The following GANAB variants were observed in gnomAD, a reference collection of about 807,000 sequenced individuals.
GANAB encodes the protein glucosidase II alpha subunit.
A neutral mutation model predicts 129.9 loss-of-function variants in GANAB; 35 were observed. That is an observed-to-expected ratio of 0.27 (90% CI 0.21 to 0.36). The LOEUF (loss-of-function observed/expected upper bound fraction) is 0.36, where lower values mean the gene tolerates loss of function less well. Among genes scored for constraint, GANAB ranks in the 10% least tolerant of loss-of-function variants. The pLI is 1.00. For missense variants in GANAB, 939 were observed against 1,221.0 expected, an observed-to-expected ratio of 0.77 and a Z score of 3.44; for synonymous variants, 482 against 451.8, an observed-to-expected ratio of 1.07 and a Z score of -0.85.
chr11:62,625,636 C>T lies in GANAB; in HGVS notation c.*179G>A. 1.6e-6 allele frequency: 1 copy of T among 606,568 alleles called. No homozygotes were observed. 37.6% of individuals were successfully genotyped at this position (606,568 alleles called of 1,614,324 possible). A position where few individuals can be genotyped will look rare whatever the true frequency, so the allele number is the denominator to read the frequency against. On this transcript the variant is annotated 3_prime_UTR_variant, in exon 24 of 24. Transcript: ENST00000356638. ...AATGGAGTGGGAGAGGTGAGGAGAT[C>T]ACAAGAGGAATTTGGAGCCCAGGGT...
intron 2 of GANAB, 70 bp from the exon 3 acceptor site, chr11:62,639,537 C>T: frequency 7.0e-7 from 1 of 1,432,110 alleles, no homozygotes. Context: ...CTATCACCTG[C>T]AGTGTCCTTA....
rs1441044477 is a variant in GANAB at position 62,639,452 on chromosome 11, T to C, written c.159A>G (p.Ile53Met). 9.3e-6 allele frequency: 15 copies of C among 1,613,010 alleles called. No homozygotes were observed. Among genetic ancestry groups the C allele is most frequent in the African/African-American group, 4.0e-5 (3 of 74,842 alleles). The change falls in exon 3 of 24, where the codon ATA (isoleucine) becomes ATG (methionine). Residue 53 changes from isoleucine to methionine, a missense_variant. Ile to Met is a conservative substitution (Grantham distance 10, BLOSUM62 1). Around this residue, in one of 5 missense-constraint regions of GANAB, gnomAD observed 321 missense variants for 329.1 expected, o/e 0.98. Transcript: ENST00000356638. ...CTCGGTATGGAGAGAGGCCTGGCCG[T>C]ATGCTTCTCTGTCGCCTGCCAAGTG... ...ESSFCKRQRS[I>M]RPGLSPYRAL...
chr11:62,637,282 T>A (rs1413945593), intron 4 of GANAB, among the ~76,000 whole-genome samples: 1 of 152,206 alleles, frequency 6.6e-6, no homozygotes, highest in Non-Finnish European at 1.5e-5. Flanking sequence ...ACCATAGTCA[T>A]ATTAATAATA....
intron 3 of GANAB, 73 bp downstream of exon 3, chr11:62,639,286 C>G (rs1221059611): frequency 1.6e-6 from 2 of 1,266,910 alleles, no homozygotes; most frequent in African/African-American, 2.9e-5. Flanking sequence ...ATGTTGGCCA[C>G]AATTTCCCCC....
In GANAB at chr11:62,627,697, G is replaced by A. The variant is rs28600963; in HGVS notation, c.2181-344C>T. 3.3e-5 allele frequency among the ~76,000 whole-genome samples: 5 copies of A among 151,934 alleles called. No individual in the cohort carries two copies. In the East Asian group the frequency reaches 7.7e-4, roughly 24 times the overall value. On this transcript the variant is annotated intron_variant, in intron 17 of 23. Transcript: ENST00000356638. Reference sequence around the variant, plus strand: ...TTCAGTGAGCCAAGATCACACCATCGCACTCCAGCCTGGGGGACGAGAGTG... The same window carrying A: ...TTCAGTGAGCCAAGATCACACCATCACACTCCAGCCTGGGGGACGAGAGTG...
chr11:62,641,897 G>A (rs1181429548), intron 1 of GANAB, among the ~76,000 whole-genome samples: 2 of 151,468 alleles, frequency 1.3e-5, no homozygotes, highest in Non-Finnish European at 2.9e-5. Flanking sequence ...AAAAAGTTGT[G>A]GTTTTTGTTT....
At chr11:62,634,554 A>G in intron 5 of GANAB, 1 of 624,184 alleles carries the variant, frequency 1.6e-6, no homozygotes, top group Non-Finnish European at 2.8e-6. Context: ...TGATGTGAGA[A>G]GGGGAAGAAG....
chr11:62,636,652 T>C (rs1459418275), intron 4 of GANAB, among the ~76,000 whole-genome samples: 1 of 152,070 alleles, frequency 6.6e-6, no homozygotes, highest in Non-Finnish European at 1.5e-5. Context: ...CTGTCTCTAC[T>C]AAAAATACAA....
chr11:62,626,957 G>C (rs373254816), intron 19 of GANAB, 23 bp from the exon 20 acceptor site: 192 of 1,596,844 alleles, frequency 1.2e-4, no homozygotes, highest in Non-Finnish European at 1.5e-4. Flanking sequence ...AAAGAGGTAA[G>C]ATACCGGATC....
At chr11:62,641,994 A>C (rs970326447) in intron 1 of GANAB, among the ~76,000 whole-genome samples, 4 of 151,644 alleles carry the variant, frequency 2.6e-5, no homozygotes, top group African/African-American at 9.7e-5. Context: ...CAGGAGTTCG[A>C]GACCAGGCTG....
rs939070899 is a variant in GANAB, at chr11:62,629,844, C to T, written c.1707G>A (p.Arg569=). ...DAQHYGGWEH[R]DVHNIYGLYV... ...AAAGGCCATAGATGTTATGCACATCCCGGTGCTCCCAGCCCCCATAATGCT... is the reference window on the plus strand; with the variant it reads ...AAAGGCCATAGATGTTATGCACATCTCGGTGCTCCCAGCCCCCATAATGCT... Residue 569 remains arginine (R), a synonymous_variant, in exon 14 of 24, where the codon CGG becomes CGA. Transcript: ENST00000356638. 3.7e-6 allele frequency: 6 copies of T among 1,614,040 alleles called. No individual in the cohort carries two copies. Among genetic ancestry groups the T allele is most frequent in the African/African-American group, 2.7e-5 (2 of 74,918 alleles).
chr11:62,626,193 C>G, intron 22 of GANAB, 28 bp from the exon 23 acceptor site: 1 of 1,514,066 alleles, frequency 6.6e-7, no homozygotes. Flanking sequence ...AGATGTCCAT[C>G]AGGGGGAAAA....
At chr11:62,641,382 T>C (rs1944253234) in intron 1 of GANAB, among the ~76,000 whole-genome samples, 1 of 148,972 alleles carries the variant, frequency 6.7e-6, no homozygotes, top group Non-Finnish European at 1.5e-5. Flanking sequence ...GCTAGCCTGC[T>C]GGTTACAGTT....
At position 62,633,065 on chromosome 11, in the gene GANAB, C is replaced by T; in HGVS notation, c.755G>A (p.Gly252Asp). 1 of 1,612,236 alleles carries T rather than the reference C, an allele frequency of 6.2e-7. No homozygotes were observed. Among genetic ancestry groups the T allele is most frequent in the Non-Finnish European group, 8.5e-7 (1 of 1,178,330 alleles). The part of the protein sequence containing the change: ...MSVGLDFSLP[G>D]MEHVYGIPEH... ...AGGGATCCCATAGACATGCTCCATG[C>T]CTGGCAGAGAGAAGTCCAAACCCAC... The change falls in exon 8 of 24, where the codon GGC (glycine) becomes GAC (aspartate). Residue 252 changes from glycine to aspartate, a missense_variant. By Grantham distance (94) the Gly-to-Asp change is moderately conservative. This residue lies in a region of GANAB where 321 missense variants were observed against 329.1 expected (regional missense o/e 0.98). Transcript: ENST00000356638.
chr11:62,633,926 T>C, intron 5 of GANAB: 1 of 370,972 alleles, frequency 2.7e-6, no homozygotes, highest in East Asian at 5.3e-5. Flanking sequence ...ATGTGGGTCA[T>C]ACTATACCAA....
At chr11:62,641,892 G>C (rs1187930289) in intron 1 of GANAB, among the ~76,000 whole-genome samples, 1 of 151,432 alleles carries the variant, frequency 6.6e-6, no homozygotes, top group African/African-American at 2.4e-5. Flanking sequence ...TTTTTAAAAA[G>C]TTGTGGTTTT....
Position 62,630,699 on chromosome 11 carries a change from T to C in GANAB, c.1288A>G (p.Ile430Val). 1 of 1,614,152 alleles carries C rather than the reference T, an allele frequency of 6.2e-7. No individual in the cohort carries two copies. Among genetic ancestry groups the C allele is most frequent in the Non-Finnish European group, 8.5e-7 (1 of 1,180,014 alleles). ...TACCGCTTGCCATCAGCATGTTCAATGTCTAGCCAGATGACATCACAGGGC... is the reference window on the plus strand; with the variant it reads ...TACCGCTTGCCATCAGCATGTTCAACGTCTAGCCAGATGACATCACAGGGC... ...NLPCDVIWLD[I>V]EHADGKRYFT... is the part of the protein sequence containing the mutation. The change falls in exon 11 of 24, where the codon ATT becomes GTT. Residue 430 changes from isoleucine (I) to valine (V), a missense_variant. By Grantham distance (29) the Ile-to-Val change is conservative. This residue lies in a region of GANAB where 220 missense variants were observed against 295.9 expected (regional missense o/e 0.74). Transcript: ENST00000356638.
chr11:62,632,221 A>G (rs1943722991), intron 9 of GANAB, among the ~76,000 whole-genome samples: 1 of 150,130 alleles, frequency 6.7e-6, no homozygotes, highest in Non-Finnish European at 1.5e-5. Flanking sequence ...TGATCCGCCC[A>G]CCTCAGCCTC....
Position 62,628,873 on chromosome 11 carries a change from C to A in GANAB, c.2076G>T (p.Gln692His). Residue 692 changes from glutamine (Q) to histidine (H), a missense_variant, in exon 17 of 24, where the codon CAG becomes CAT. Gln to His is a conservative substitution (Grantham distance 24). Transcript: ENST00000356638. Reference sequence around the variant, plus strand: ...AGGCATCTCGGATTATATCATTGTGCTGAGATGGTAACAGCCATGGCTCTC... The same window carrying A: ...AGGCATCTCGGATTATATCATTGTGATGAGATGGTAACAGCCATGGCTCTC... The part of the protein sequence containing the change: ...GRREPWLLPS[Q>H]HNDIIRDALG... 6.2e-7 allele frequency: 1 copy of A among 1,614,140 alleles called. No homozygotes were observed. Among genetic ancestry groups the A allele is most frequent in the East Asian group, 2.2e-5 (1 of 44,874 alleles).
Sources: gnomAD v4.1 joint callset for allele counts (sites outside exome capture counted in the v4.1 genomes callset) on GRCh38, gnomAD v4.1.1 for gene constraint, gnomAD v4.1.1 regional missense constraint, MANE v1.5 for transcripts, NCBI Gene and HGNC (gene_info 2026-07-23, HGNC 2026-07-21) for gene names.